The following ITGBL1 variants were observed in gnomAD, a reference collection of about 807,000 sequenced individuals.
The protein encoded by ITGBL1 is integrin beta-like protein 1.
In ITGBL1, 51 loss-of-function variants were observed where a neutral mutation model predicts 68.5. That is an observed-to-expected ratio of 0.74 (90% CI 0.59 to 0.94). The LOEUF (loss-of-function observed/expected upper bound fraction) is 0.94. Ranked by LOEUF, ITGBL1 falls within the 40% of genes least tolerant of loss-of-function variation. The pLI, the probability that ITGBL1 is intolerant of heterozygous loss-of-function variation, is 0.00. For missense variants in ITGBL1, 649 were observed against 647.4 expected (o/e 1.00, Z -0.03); for synonymous variants, 209 against 227.3 (o/e 0.92, Z 0.72).
intron 7 of ITGBL1, among the ~76,000 whole-genome samples, chr13:101,666,440 T>C (rs574984172): frequency 2.9e-4 from 44 of 152,240 alleles, no homozygotes; most frequent in African/African-American, 9.6e-4. Context: ...AAGTTCTTTT[T>C]AATAGAAGGA....
chr13:101,582,235 T>TA (rs1279942975), intron 5 of ITGBL1, among the ~76,000 whole-genome samples: 3 of 152,212 alleles, frequency 2.0e-5, no homozygotes, highest in Non-Finnish European at 2.9e-5. Context: ...GTCTTTTTTT[T>TA]ACAGTGTTTT....
rs2048513441 is a variant in ITGBL1, at chr13:101,474,858, A to G, written c.316+20758A>G. 2.0e-5 allele frequency among the ~76,000 whole-genome samples: 3 copies of G among 152,224 alleles called. No homozygotes were observed. The South Asian group carries it at 6.2e-4, about 32-fold the overall frequency. On this transcript the variant is annotated intron_variant, in intron 2 of 10. Coordinates refer to ENST00000376180, the MANE Select transcript of ITGBL1 (RefSeq NM_004791.3). ...TTTACAAGTCTGTAAGAATCACGGC[A>G]TTACTGGGCTTGGGGTGCCCCCTAA... is the stretch of plus-strand genomic sequence containing the variant.
chr13:101,545,391 A>C (rs562411247), intron 2 of ITGBL1, among the ~76,000 whole-genome samples: 1 of 152,372 alleles, frequency 6.6e-6, no homozygotes, highest in Non-Finnish European at 1.5e-5. Flanking sequence ...AAAAGTAATC[A>C]AGTGTTACAC....
At chr13:101,643,610 G>A (rs1321808258) in intron 7 of ITGBL1, among the ~76,000 whole-genome samples, 1 of 152,114 alleles carries the variant, frequency 6.6e-6, no homozygotes, top group Non-Finnish European at 1.5e-5. Context: ...GGAAAATAAA[G>A]TCTAGGACTT....
chr13:101,621,561 A>G (rs1457821613), intron 7 of ITGBL1, among the ~76,000 whole-genome samples: 1 of 152,140 alleles, frequency 6.6e-6, no homozygotes, highest in East Asian at 1.9e-4. Flanking sequence ...TAAGCCTAAC[A>G]TGAGCTTTGC....
intron 2 of ITGBL1, among the ~76,000 whole-genome samples, chr13:101,558,164 A>G (rs7988355): frequency 0.78 from 116,674 of 149,164 alleles, 45,640 homozygotes; most frequent in Middle Eastern, 0.82. Context: ...AGCAAGGATT[A>G]CTTTTATTGC....
At chr13:101,659,709 C>T (rs2033032699) in intron 7 of ITGBL1, among the ~76,000 whole-genome samples, 1 of 152,096 alleles carries the variant, frequency 6.6e-6, no homozygotes, top group Non-Finnish European at 1.5e-5. Flanking sequence ...GATCCACCCA[C>T]CTCAGCCTCC....
intron 2 of ITGBL1, among the ~76,000 whole-genome samples, chr13:101,483,716 CCTT>C (rs542854514): frequency 6.6e-5 from 10 of 152,026 alleles, no homozygotes; most frequent in South Asian, 4.2e-4. Context: ...CAATTTTTTT[CCTT>C]CTTAATATAA....
chr13:101,654,789 C>T (rs2032866404), intron 7 of ITGBL1, among the ~76,000 whole-genome samples: 1 of 152,042 alleles, frequency 6.6e-6, no homozygotes, highest in Admixed American at 6.6e-5. Flanking sequence ...GATGCAACCA[C>T]CCAGGGAGAA....
chr13:101,636,972 A>C (rs1186071582), intron 7 of ITGBL1, among the ~76,000 whole-genome samples: 14 of 152,270 alleles, frequency 9.2e-5, no homozygotes, highest in Middle Eastern at 3.4e-3. Context: ...CATCCACTTA[A>C]TTCTGAAAGC....
At chr13:101,457,458 G>C (rs2048260011) in intron 2 of ITGBL1, among the ~76,000 whole-genome samples, 2 of 152,180 alleles carry the variant, frequency 1.3e-5, no homozygotes, top group South Asian at 4.1e-4. Context: ...ACTTATTATA[G>C]TTTGCGCTGG....
chr13:101,626,395 A>G (rs900689378), intron 7 of ITGBL1, among the ~76,000 whole-genome samples: 1 of 152,224 alleles, frequency 6.6e-6, no homozygotes, highest in African/African-American at 2.4e-5. Context: ...ATGTCATTGT[A>G]AGTGAATAAC....
At chr13:101,632,660 G>A (rs983666379) in intron 7 of ITGBL1, among the ~76,000 whole-genome samples, 3 of 151,998 alleles carry the variant, frequency 2.0e-5, no homozygotes, top group Non-Finnish European at 2.9e-5. Flanking sequence ...ACAACAATAT[G>A]GATTTATTTA....
rs1429391085 is a variant in ITGBL1 at position 101,488,556 on chromosome 13, A to C, written c.316+34456A>C. Among the ~76,000 whole-genome samples the C allele has an allele frequency of 2.6e-5, 4 of 152,160 alleles. No individual in the cohort carries two copies. The East Asian group carries it at 7.7e-4, about 29-fold the overall frequency. On this transcript the variant is annotated intron_variant, in intron 2 of 10. Coordinates refer to ENST00000376180, the MANE Select transcript of ITGBL1 (RefSeq NM_004791.3). Reference sequence around the variant, plus strand: ...CAACTTTAACTTGAGAGAGCTGTTAACCACCTCAGTTTCCTTGTCTAAGCG... The same window carrying C: ...CAACTTTAACTTGAGAGAGCTGTTACCCACCTCAGTTTCCTTGTCTAAGCG...
At chr13:101,648,429 A>C (rs1594953162) in intron 7 of ITGBL1, among the ~76,000 whole-genome samples, 2 of 152,332 alleles carry the variant, frequency 1.3e-5, no homozygotes, top group East Asian at 3.9e-4. Flanking sequence ...AGAGAGAATT[A>C]GTCAAAACAA....
intron 7 of ITGBL1, among the ~76,000 whole-genome samples, chr13:101,601,980 A>G (rs1228407647): frequency 6.6e-6 from 1 of 152,040 alleles, no homozygotes; most frequent in Admixed American, 6.6e-5. Flanking sequence ...TCCAATTTCC[A>G]TGAATGAAAG....
At chr13:101,686,065 A>C (rs1303802240) in intron 7 of ITGBL1, among the ~76,000 whole-genome samples, 4 of 152,102 alleles carry the variant, frequency 2.6e-5, no homozygotes, top group African/African-American at 9.7e-5. Flanking sequence ...ACTGGAGTTA[A>C]GAGAACAGCA....
chr13:101,579,876 C>CTAA (rs1349206210), intron 5 of ITGBL1, among the ~76,000 whole-genome samples: 1 of 152,042 alleles, frequency 6.6e-6, no homozygotes, highest in African/African-American at 2.4e-5. Context: ...TTGATATGGA[C>CTAA]TAATTTAACT....
At chr13:101,557,005 A>G (rs2050017934) in intron 2 of ITGBL1, among the ~76,000 whole-genome samples, 1 of 152,192 alleles carries the variant, frequency 6.6e-6, no homozygotes, top group Non-Finnish European at 1.5e-5. Context: ...AATTTGAGTC[A>G]AGCAGTCTGT....
Sources: gnomAD v4.1 joint callset for allele counts (sites outside exome capture counted in the v4.1 genomes callset) on GRCh38, gnomAD v4.1.1 for gene constraint, MANE v1.5 for transcripts, NCBI Gene and HGNC (gene_info 2026-07-23, HGNC 2026-07-21) for gene names.